DSCAML1: variants seen among roughly 807,000 people sequenced by gnomAD.
DSCAML1 encodes the protein DS cell adhesion molecule like 1.
In DSCAML1, 38 loss-of-function variants were observed where a neutral mutation model predicts 200.5. That is an observed-to-expected ratio of 0.19 (90% CI 0.15 to 0.25). DSCAML1 has a LOEUF of 0.25. DSCAML1 is among the 10% of genes least tolerant of loss of function. The pLI, the probability that DSCAML1 is intolerant of heterozygous loss-of-function variation, is 1.00. For synonymous variants in DSCAML1, 1,215 were observed against 1,165.0 expected (o/e 1.04, Z -0.87); for missense variants, 2,223 against 2,858.8 (o/e 0.78, Z 5.07).
intron 3 of DSCAML1, among the ~76,000 whole-genome samples, chr11:117,722,216 G>A (rs1451881664): frequency 1.3e-5 from 2 of 151,942 alleles, no homozygotes; most frequent in Non-Finnish European, 2.9e-5. Context: ...GAAGCCAGAA[G>A]GCTTATGTCC....
intron 3 of DSCAML1, among the ~76,000 whole-genome samples, chr11:117,710,675 T>C (rs1209937980): frequency 6.6e-6 from 1 of 152,210 alleles, no homozygotes; most frequent in East Asian, 1.9e-4. Context: ...AGGTCATTAG[T>C]GTTAAATGAA....
At chr11:117,733,677 C>A (rs1301951690) in intron 3 of DSCAML1, among the ~76,000 whole-genome samples, 1 of 152,144 alleles carries the variant, frequency 6.6e-6, no homozygotes, top group Non-Finnish European at 1.5e-5. Flanking sequence ...CAGGGACCAA[C>A]TGCATGCATA....
intron 3 of DSCAML1, among the ~76,000 whole-genome samples, chr11:117,551,092 G>A (rs1045057190): frequency 7.9e-5 from 12 of 152,118 alleles, no homozygotes; most frequent in African/African-American, 2.9e-4. Context: ...TACACGTTGC[G>A]TTATCCTCTA....
rs2137174914 is a variant in DSCAML1, at chr11:117,470,020, G to C, written c.2954-40C>G. ...GGGGAGGAGAAACATTACAAGTCAAGACTTGGAAGAGGAAGGGGTTCTATG... is the reference window on the plus strand; with the variant it reads ...GGGGAGGAGAAACATTACAAGTCAACACTTGGAAGAGGAAGGGGTTCTATG... On this transcript the variant is annotated intron_variant, in intron 15 of 32. Coordinates refer to ENST00000651296, the MANE Select transcript of DSCAML1 (RefSeq NM_020693.4). 4 of 1,539,676 alleles carry C rather than the reference G, an allele frequency of 2.6e-6. No homozygotes were observed. The South Asian group carries it at 3.8e-5, about 15-fold the overall frequency.
At chr11:117,697,697 C>T (rs917416702) in intron 3 of DSCAML1, among the ~76,000 whole-genome samples, 1 of 151,760 alleles carries the variant, frequency 6.6e-6, no homozygotes, top group African/African-American at 2.4e-5. Context: ...CAGTATTGGT[C>T]CTTTTGTGAC....
At chr11:117,607,494 G>T (rs544594482) in intron 3 of DSCAML1, among the ~76,000 whole-genome samples, 1 of 152,242 alleles carries the variant, frequency 6.6e-6, no homozygotes, top group Non-Finnish European at 1.5e-5. Flanking sequence ...GCAGGGAAGA[G>T]AATTCAACTC....
chr11:117,543,493 G>A (rs1195247234), intron 3 of DSCAML1, among the ~76,000 whole-genome samples: 2 of 152,198 alleles, frequency 1.3e-5, no homozygotes, highest in Non-Finnish European at 2.9e-5. Context: ...GCTGGTGCAT[G>A]TACCTGTTGG....
chr11:117,535,307 A>G (rs2050146158), intron 3 of DSCAML1, among the ~76,000 whole-genome samples: 1 of 152,228 alleles, frequency 6.6e-6, no homozygotes, highest in African/African-American at 2.4e-5. Flanking sequence ...TATGTGGGCC[A>G]GAGTCTGGAA....
intron 5 of DSCAML1, among the ~76,000 whole-genome samples, chr11:117,523,099 G>A (rs972074015): frequency 3.3e-5 from 5 of 152,210 alleles, no homozygotes; most frequent in Non-Finnish European, 7.3e-5. Flanking sequence ...CCATATACGT[G>A]TGCATGCGTA....
chr11:117,796,043 GC>G (rs1222986748), intron 1 of DSCAML1, among the ~76,000 whole-genome samples: 2 of 152,246 alleles, frequency 1.3e-5, no homozygotes, highest in African/African-American at 4.8e-5. Flanking sequence ...CCATCTGCGC[GC>G]CCGGGGGCAC....
rs2047721928 is a variant in DSCAML1, at chr11:117,428,797, T to TAGGAATCACAGAGGC, written c.5692_5693insGCCTCTGTGATTCCT (p.Asp1897_Tyr1898insCysLeuCysAspSer). 1.3e-6 allele frequency: 2 copies of TAGGAATCACAGAGGC among 1,599,638 alleles called. No individual in the cohort carries two copies. Among genetic ancestry groups the TAGGAATCACAGAGGC allele is most frequent in the Non-Finnish European group, 8.5e-7 (1 of 1,175,058 alleles). On this transcript the variant is annotated inframe_insertion, in exon 33 of 33. Transcript: ENST00000651296. ...CTTGGCATACAGGGGCAGGTTGCAG[T>TAGGAATCACAGAGGC]AGTCACCTGGAATCACAGAGGCAGA... is the stretch of plus-strand genomic sequence containing the variant.
At chr11:117,647,793 G>C (rs930140119) in intron 3 of DSCAML1, among the ~76,000 whole-genome samples, 3 of 152,156 alleles carry the variant, frequency 2.0e-5, no homozygotes, top group Non-Finnish European at 4.4e-5. Flanking sequence ...GGGAGTTCAG[G>C]AAAGAGAAGG....
chr11:117,505,818 T>C lies in DSCAML1; in HGVS notation c.1784-86A>G. 1 of 1,491,560 alleles carries C rather than the reference T, an allele frequency of 6.7e-7. No individual in the cohort carries two copies. The highest frequency in any genetic ancestry group is 9.0e-7 in the Non-Finnish European group (1 of 1,114,970). 92.4% of individuals were successfully genotyped at this position (1,491,560 alleles called of 1,614,324 possible). On this transcript the variant is annotated intron_variant, in intron 8 of 32. Transcript: ENST00000651296. The surrounding 1 kb of genome is among the most constrained non-coding windows in gnomAD (Gnocchi z 6.7). ...CCGCCTCACCTGCCTTACCTGGGGC[T>C]CTGGGTTGGGCCTTGAACAAAGATC...
At chr11:117,542,019 A>G (rs370596811) in intron 3 of DSCAML1, among the ~76,000 whole-genome samples, 13 of 152,144 alleles carry the variant, frequency 8.5e-5, no homozygotes, top group Non-Finnish European at 1.2e-4. Flanking sequence ...GAAATAGAAG[A>G]TGCAATGAGG....
intron 3 of DSCAML1, among the ~76,000 whole-genome samples, chr11:117,630,870 T>C (rs944657226): frequency 6.6e-6 from 1 of 152,034 alleles, no homozygotes; most frequent in Non-Finnish European, 1.5e-5. Flanking sequence ...CCTTCCTAAA[T>C]GTGTGACCTC....
chr11:117,815,167 G>A (rs1399366111), intron 1 of DSCAML1, among the ~76,000 whole-genome samples: 1 of 152,192 alleles, frequency 6.6e-6, no homozygotes, highest in South Asian at 2.1e-4. Flanking sequence ...CTGTGGGGGT[G>A]TATCCAGCTT....
intron 11 of DSCAML1, among the ~76,000 whole-genome samples, chr11:117,499,457 T>A (rs943763924): frequency 2.6e-5 from 4 of 152,134 alleles, no homozygotes; most frequent in African/African-American, 9.7e-5. Context: ...AAGGGACAAC[T>A]CACGGATGCA....
At chr11:117,430,014 G>GC (rs1267656876) in intron 32 of DSCAML1, among the ~76,000 whole-genome samples, 1 of 152,090 alleles carries the variant, frequency 6.6e-6, no homozygotes, top group African/African-American at 2.4e-5. Context: ...AGAAAGCCCC[G>GC]CCCCCTGCCT....
intron 1 of DSCAML1, among the ~76,000 whole-genome samples, chr11:117,816,703 A>C (rs1372319396): frequency 6.6e-6 from 1 of 151,208 alleles, no homozygotes; most frequent in East Asian, 2.0e-4. Flanking sequence ...CAGGGAGCCC[A>C]CTTCCTTCAC....
Sources: gnomAD v4.1 joint callset for allele counts (sites outside exome capture counted in the v4.1 genomes callset) on GRCh38, gnomAD v4.1.1 for gene constraint, Gnocchi (gnomAD v3.1) non-coding constraint, MANE v1.5 for transcripts, NCBI Gene and HGNC (gene_info 2026-07-23, HGNC 2026-07-21) for gene names.